Variants in IQCM observed in about 807,000 individuals in gnomAD.
The protein encoded by IQCM is IQ motif containing M, also known as IQ domain-containing protein M.
Under a neutral mutation model 57.6 loss-of-function variants are expected in IQCM, and 45 were observed. The ratio of observed to expected loss-of-function variants is 0.78; its 90% CI spans 0.62 to 1.00. The LOEUF (loss-of-function observed/expected upper bound fraction) is 1.00. IQCM is among the 50% of genes least tolerant of loss of function. IQCM has a pLI of 0.00. For missense variants in IQCM, 468 were observed against 511.6 expected, an observed-to-expected ratio of 0.91 and a Z score of 0.82; for synonymous variants, 148 against 158.9, an observed-to-expected ratio of 0.93 and a Z score of 0.51.
intron 12 of IQCM, among the ~76,000 whole-genome samples, chr4:149,516,959 T>C (rs1189680992): frequency 6.6e-6 from 1 of 151,994 alleles, no homozygotes; most frequent in Non-Finnish European, 1.5e-5. Context: ...CAAAGGTAAG[T>C]AAGAGTATGC....
At chr4:149,460,251 AT>A (rs1738133468) in intron 12 of IQCM, among the ~76,000 whole-genome samples, 1 of 151,690 alleles carries the variant, frequency 6.6e-6, no homozygotes, top group Admixed American at 6.6e-5. Flanking sequence ...TCATTTTTCC[AT>A]TTTTGCCTTG....
At chr4:149,554,428 T>G (rs916897153) in intron 10 of IQCM, among the ~76,000 whole-genome samples, 1 of 152,050 alleles carries the variant, frequency 6.6e-6, no homozygotes, top group Non-Finnish European at 1.5e-5. Context: ...GCGATTCTCA[T>G]GTCTCAGCCC....
At chr4:149,599,272 C>T (rs1175187236) in intron 8 of IQCM, among the ~76,000 whole-genome samples, 2 of 151,868 alleles carry the variant, frequency 1.3e-5, no homozygotes. Flanking sequence ...ACAACCACAT[C>T]AATAAAGATG....
chr4:149,373,960 G>A (rs1730536815), intron 13 of IQCM, among the ~76,000 whole-genome samples: 2 of 152,280 alleles, frequency 1.3e-5, no homozygotes, highest in Middle Eastern at 3.4e-3. Flanking sequence ...TCTTCTTGCA[G>A]GCAAGGTCAA....
chr4:149,675,909 G>T (rs2150189741), intron 7 of IQCM, among the ~76,000 whole-genome samples: 1 of 152,068 alleles, frequency 6.6e-6, no homozygotes, highest in Admixed American at 6.6e-5. Flanking sequence ...CTTTCCTTGA[G>T]GATTACAGAT....
intron 12 of IQCM, among the ~76,000 whole-genome samples, chr4:149,466,453 T>G (rs1260463365): frequency 6.6e-6 from 1 of 152,232 alleles, no homozygotes. Flanking sequence ...ATCTGTGCAT[T>G]ACACTTTTTG....
intron 8 of IQCM, among the ~76,000 whole-genome samples, chr4:149,609,803 G>T (rs1222609384): frequency 6.6e-6 from 1 of 151,790 alleles, no homozygotes; most frequent in East Asian, 1.9e-4. Context: ...AAAACTGAAA[G>T]TCTTTCCTCT....
intron 12 of IQCM, among the ~76,000 whole-genome samples, chr4:149,475,857 C>A (rs961686248): frequency 6.6e-6 from 1 of 152,118 alleles, no homozygotes; most frequent in South Asian, 2.1e-4. Context: ...TATTGGTGAC[C>A]TTGACATGAG....
At position 149,524,360 on chromosome 4, in the gene IQCM, T is replaced by C. The variant is rs533214768; in HGVS notation, c.1228+24095A>G. On this transcript the variant is annotated intron_variant, in intron 12 of 13. Coordinates refer to ENST00000636793, the MANE Select transcript of IQCM (RefSeq NM_001363507.2). ...GTACAGTACAGATATGTAAAATTCA[T>C]CCAGCTGTAACTTAAGATTTGTGCA... 2.8e-4 allele frequency among the ~76,000 whole-genome samples: 42 copies of C among 152,246 alleles called. No homozygotes were observed. In the Middle Eastern group the frequency reaches 0.014, roughly 49 times the overall value.
chr4:149,664,217 A>G (rs1368938469), intron 7 of IQCM, among the ~76,000 whole-genome samples: 2 of 151,846 alleles, frequency 1.3e-5, no homozygotes, highest in Non-Finnish European at 2.9e-5. Flanking sequence ...ATTTTATTGA[A>G]TTCTTTGTCT....
At chr4:149,810,767 A>C (rs957186413) in intron 2 of IQCM, among the ~76,000 whole-genome samples, 1 of 152,122 alleles carries the variant, frequency 6.6e-6, no homozygotes, top group African/African-American at 2.4e-5. Context: ...TATAATTTTA[A>C]TTATTTTGAA....
At chr4:149,781,058 A>T (rs1339898930) in intron 2 of IQCM, among the ~76,000 whole-genome samples, 1 of 152,176 alleles carries the variant, frequency 6.6e-6, no homozygotes, top group Middle Eastern at 3.2e-3. Flanking sequence ...AATACATAAA[A>T]GAAGTAGAAA....
chr4:149,772,921 A>T (rs1388427732), intron 2 of IQCM, among the ~76,000 whole-genome samples: 3 of 152,176 alleles, frequency 2.0e-5, no homozygotes, highest in Non-Finnish European at 2.9e-5. Flanking sequence ...AAGATTTTTT[A>T]AAAAACACTT....
chr4:149,603,699 A>G (rs1174285055), intron 8 of IQCM, among the ~76,000 whole-genome samples: 1 of 152,158 alleles, frequency 6.6e-6, no homozygotes, highest in Admixed American at 6.5e-5. Flanking sequence ...ATGGCCACTG[A>G]TTTCAGAGAA....
chr4:149,549,581 TTC>T (rs34920586), intron 11 of IQCM, among the ~76,000 whole-genome samples: 28,652 of 152,214 alleles, frequency 0.19, 3,082 homozygotes, highest in South Asian at 0.33. Flanking sequence ...ATTTCTTTTT[TTC>T]TCTTTTCAAA....
At chr4:149,681,640 A>G (rs1762185483) in intron 7 of IQCM, among the ~76,000 whole-genome samples, 1 of 151,148 alleles carries the variant, frequency 6.6e-6, no homozygotes, top group East Asian at 1.9e-4. Flanking sequence ...TTTTACCTTA[A>G]TGACAGCCTG....
chr4:149,412,363 A>G (rs1733448611), intron 13 of IQCM, among the ~76,000 whole-genome samples: 1 of 152,150 alleles, frequency 6.6e-6, no homozygotes, highest in African/African-American at 2.4e-5. Flanking sequence ...TTAAAAAACC[A>G]ACTGTAGATT....
At chr4:149,748,496 T>A (rs547214597) in intron 2 of IQCM, among the ~76,000 whole-genome samples, 6 of 152,298 alleles carry the variant, frequency 3.9e-5, no homozygotes, top group African/African-American at 1.2e-4. Context: ...AAATTCTTAC[T>A]TTTTTTGGCT....
chr4:149,357,651 A>C (rs1729106376), intron 13 of IQCM, among the ~76,000 whole-genome samples: 1 of 152,100 alleles, frequency 6.6e-6, no homozygotes, highest in South Asian at 2.1e-4. Flanking sequence ...TTTTGCCAGT[A>C]TTTTATCGAG....
Sources: gnomAD v4.1 joint callset for allele counts (sites outside exome capture counted in the v4.1 genomes callset) on GRCh38, gnomAD v4.1.1 for gene constraint, MANE v1.5 for transcripts, NCBI Gene and HGNC (gene_info 2026-07-23, HGNC 2026-07-21) for gene names.